Variants in RGS21 observed in about 807,000 individuals in gnomAD.
RGS21 encodes the protein regulator of G protein signaling 21, also known as regulator of G-protein signalling 21.
A neutral mutation model predicts 18.7 loss-of-function variants in RGS21; 19 were observed. The ratio of observed to expected loss-of-function variants is 1.01; its 90% CI spans 0.71 to 1.49. The LOEUF (loss-of-function observed/expected upper bound fraction) is 1.49. Ranked by LOEUF, RGS21 falls within the 40% of genes most tolerant of loss-of-function variation. The pLI, the probability that RGS21 is intolerant of heterozygous loss-of-function variation, is 0.00. For synonymous variants in RGS21, 56 were observed against 57.8 expected, an observed-to-expected ratio of 0.97 and a Z score of 0.14; for missense variants, 194 against 176.8, an observed-to-expected ratio of 1.10 and a Z score of -0.55.
intron 4 of RGS21, among the ~76,000 whole-genome samples, chr1:192,355,403 C>A (rs925152914): frequency 6.6e-6 from 1 of 151,390 alleles, no homozygotes; most frequent in African/African-American, 2.4e-5. Flanking sequence ...TGTAGATAAG[C>A]AATGTTAAGA....
intron 4 of RGS21, among the ~76,000 whole-genome samples, chr1:192,354,820 T>C (rs1285586394): frequency 6.6e-6 from 1 of 151,734 alleles, no homozygotes; most frequent in Non-Finnish European, 1.5e-5. Context: ...AAGTTTTATA[T>C]CTTTATTTCA....
intron 3 of RGS21, among the ~76,000 whole-genome samples, chr1:192,351,076 G>A (rs1659034530): frequency 6.6e-6 from 1 of 152,132 alleles, no homozygotes; most frequent in Non-Finnish European, 1.5e-5. Context: ...TGAGTCCATT[G>A]CAGTTTCGGA....
chr1:192,342,958 G>C lies in RGS21; in HGVS notation c.-60-19G>C, dbSNP rs531855208. 3 of 1,408,652 alleles carry C rather than the reference G, an allele frequency of 2.1e-6. No homozygotes were observed. The African/African-American group carries it at 4.2e-5, about 20-fold the overall frequency. 87.3% of individuals were successfully genotyped at this position (1,408,652 alleles called of 1,614,324 possible). A position where few individuals can be genotyped will look rare whatever the true frequency, so the allele number is the denominator to read the frequency against. On this transcript the variant is annotated intron_variant, in intron 1 of 4. Transcript: ENST00000417209. ...TTCGCATACTAATTGTAATGTTCCT[G>C]CTGTCACATTACCTTCAGCTTGAAG...
chr1:192,348,452 T>A (rs1290094823), intron 3 of RGS21, among the ~76,000 whole-genome samples: 1 of 152,200 alleles, frequency 6.6e-6, no homozygotes, highest in African/African-American at 2.4e-5. Context: ...ATAAAAAATA[T>A]TTTAAAGTAC....
intron 2 of RGS21, among the ~76,000 whole-genome samples, chr1:192,343,333 A>T (rs1181465516): frequency 2.0e-5 from 3 of 152,064 alleles, no homozygotes; most frequent in Non-Finnish European, 4.4e-5. Flanking sequence ...TGAATTAGAG[A>T]CATAACATAT....
chr1:192,326,789 G>T (rs1029891382), intron 1 of RGS21, among the ~76,000 whole-genome samples: 5 of 152,098 alleles, frequency 3.3e-5, no homozygotes, highest in Non-Finnish European at 7.4e-5. Flanking sequence ...ATCTTTATGT[G>T]CCTATCATTT....
At chr1:192,326,890 T>C (rs894840544) in intron 1 of RGS21, among the ~76,000 whole-genome samples, 19 of 152,112 alleles carry the variant, frequency 1.2e-4, no homozygotes, top group African/African-American at 4.6e-4. Context: ...ATAATTCTAA[T>C]ATTATAGATA....
At chr1:192,322,938 C>A (rs1658516512) in intron 1 of RGS21, among the ~76,000 whole-genome samples, 1 of 152,058 alleles carries the variant, frequency 6.6e-6, no homozygotes, top group South Asian at 2.1e-4. Flanking sequence ...CTGTTGACTT[C>A]TGTTTTTAAA....
chr1:192,326,963 C>T (rs183578323), intron 1 of RGS21, among the ~76,000 whole-genome samples: 1 of 152,134 alleles, frequency 6.6e-6, no homozygotes, highest in Admixed American at 6.6e-5. Flanking sequence ...CTCTTTTATC[C>T]TGTTTTAGAG....
intron 2 of RGS21, among the ~76,000 whole-genome samples, chr1:192,346,289 A>C (rs1658943041): frequency 6.6e-6 from 1 of 152,112 alleles, no homozygotes; most frequent in African/African-American, 2.4e-5. Flanking sequence ...AAATTACAGG[A>C]AGTAATACAA....
At chr1:192,345,166 A>G (rs1364567661) in intron 2 of RGS21, among the ~76,000 whole-genome samples, 1 of 152,060 alleles carries the variant, frequency 6.6e-6, no homozygotes, top group African/African-American at 2.4e-5. Flanking sequence ...GATTTCAAGA[A>G]ATATGCCTTT....
chr1:192,346,116 A>G (rs1658941258), intron 2 of RGS21, among the ~76,000 whole-genome samples: 1 of 152,058 alleles, frequency 6.6e-6, no homozygotes, highest in African/African-American at 2.4e-5. Context: ...GAAATTTTAG[A>G]TTGGAAATGT....
chr1:192,360,879 A>ATT (rs963534272), intron 4 of RGS21, among the ~76,000 whole-genome samples: 31 of 152,070 alleles, frequency 2.0e-4, no homozygotes, highest in African/African-American at 7.2e-4. Flanking sequence ...TAGGGACGCA[A>ATT]TTTTTTTCTT....
At chr1:192,358,683 C>G (rs1659142885) in intron 4 of RGS21, among the ~76,000 whole-genome samples, 2 of 152,040 alleles carry the variant, frequency 1.3e-5, no homozygotes, top group Non-Finnish European at 2.9e-5. Context: ...AATGTGAGAG[C>G]ACAGTTGAAA....
intron 4 of RGS21, among the ~76,000 whole-genome samples, chr1:192,363,696 A>T (rs1659218355): frequency 6.6e-6 from 1 of 152,132 alleles, no homozygotes; most frequent in Non-Finnish European, 1.5e-5. Context: ...CATAAACTCT[A>T]CAAGACCTGG....
chr1:192,360,465 T>G (rs1659171821), intron 4 of RGS21, among the ~76,000 whole-genome samples: 1 of 152,138 alleles, frequency 6.6e-6, no homozygotes, highest in South Asian at 2.1e-4. Context: ...TTGAAATCTA[T>G]GCACTTCCCT....
intron 1 of RGS21, among the ~76,000 whole-genome samples, chr1:192,331,396 CA>C (rs1475220454): frequency 6.6e-6 from 1 of 151,702 alleles, no homozygotes; most frequent in Non-Finnish European, 1.5e-5. Flanking sequence ...TACTAAAAGA[CA>C]AAAAATTAGC....
chr1:192,352,182 C>T lies in RGS21; in HGVS notation c.224C>T (p.Ser75Phe). ...GCTTCCAAAGCCAAGATGATTTATT[C>T]TGAATTCATTGAAGCTGATGCACCT... ...KIASKAKMIY[S>F]EFIEADAPKE... The change falls in exon 4 of 5, where the codon TCT becomes TTT. Residue 75 changes from serine (S) to phenylalanine (F), a missense_variant. Coordinates refer to ENST00000417209, the MANE Select transcript of RGS21 (RefSeq NM_001039152.3). 6.2e-7 allele frequency: 1 copy of T among 1,609,634 alleles called. No individual in the cohort carries two copies. The highest frequency in any genetic ancestry group is 8.5e-7 in the Non-Finnish European group (1 of 1,178,032).
intron 3 of RGS21, among the ~76,000 whole-genome samples, chr1:192,351,186 T>C (rs1418190890): frequency 3.3e-5 from 5 of 152,136 alleles, no homozygotes; most frequent in Non-Finnish European, 7.4e-5. Context: ...AGCATCAATG[T>C]TTTCCTTAAG....
Sources: gnomAD v4.1 joint callset for allele counts (sites outside exome capture counted in the v4.1 genomes callset) on GRCh38, gnomAD v4.1.1 for gene constraint, MANE v1.5 for transcripts, NCBI Gene and HGNC (gene_info 2026-07-23, HGNC 2026-07-21) for gene names.